Variants in CCR9 observed in about 807,000 individuals in gnomAD.
CCR9 encodes C-C chemokine receptor type 9.
In CCR9, 4 loss-of-function variants were observed where a neutral mutation model predicts 8.7. The observed-to-expected ratio is 0.46, with a 90% confidence interval of 0.23 to 1.06. The LOEUF (loss-of-function observed/expected upper bound fraction) is 1.06, where lower values mean the gene tolerates loss of function less well. CCR9 is among the 50% of genes least tolerant of loss of function. The pLI is 0.21. For synonymous variants in CCR9, 159 were observed against 168.8 expected, an observed-to-expected ratio of 0.94 and a Z score of 0.45; for missense variants, 394 against 453.6, an observed-to-expected ratio of 0.87 and a Z score of 1.19.
Position 45,901,060 on chromosome 3 carries a change from C to A in CCR9, c.272C>A (p.Ala91Glu). The part of the protein sequence containing the change: ...TMTDMFLLNL[A>E]IADLLFLVTL... ...ACCGACATGTTCCTTTTGAATTTGG[C>A]AATTGCTGACCTCCTCTTTCTTGTC... is the stretch of plus-strand genomic sequence containing the variant. Residue 91 changes from alanine to glutamate, a missense_variant, in exon 3 of 3, where the codon GCA (alanine) becomes GAA (glutamate). Transcript: ENST00000357632. This position sits in a 1 kb window ranked among gnomAD's most constrained non-coding sequence, Gnocchi z 4.3. 1.2e-6 allele frequency: 2 copies of A among 1,614,182 alleles called. No individual in the cohort carries two copies. Among genetic ancestry groups the A allele is most frequent in the East Asian group, 2.2e-5 (1 of 44,880 alleles).
At chr3:45,899,967 G>C (rs1355592070) in intron 2 of CCR9, among the ~76,000 whole-genome samples, 1 of 152,204 alleles carries the variant, frequency 6.6e-6, no homozygotes, top group Non-Finnish European at 1.5e-5. Flanking sequence ...GCATGCATGA[G>C]TGTGTACCTA....
rs370107557 is a variant in CCR9 at position 45,900,804 on chromosome 3, T to C, written c.22-6T>C. 1.2e-6 allele frequency: 2 copies of C among 1,604,414 alleles called. No homozygotes were observed. Among genetic ancestry groups the C allele is most frequent in the Non-Finnish European group, 1.7e-6 (2 of 1,173,702 alleles). On this transcript the variant is annotated splice_region_variant and splice_polypyrimidine_tract_variant and intron_variant, in intron 2 of 2. Coordinates refer to ENST00000357632, the MANE Select transcript of CCR9 (RefSeq NM_031200.3). This position sits in a 1 kb window ranked among gnomAD's most constrained non-coding sequence, Gnocchi z 4.7. ...TGACCTAATGCCATCTTGTGTCCCC[T>C]TGCAGAGCCCTATTCCTAACATGGC...
intron 1 of CCR9, among the ~76,000 whole-genome samples, chr3:45,892,603 C>T (rs527532290): frequency 5.9e-5 from 9 of 152,234 alleles, no homozygotes; most frequent in Non-Finnish European, 1.2e-4. Flanking sequence ...AAACTATCTA[C>T]CAGTCAGGTA....
chr3:45,886,099 G>T (rs548104765), upstream of CCR9, among the ~76,000 whole-genome samples: 2 of 152,166 alleles, frequency 1.3e-5, no homozygotes, highest in South Asian at 2.1e-4. Context: ...CAGCCCTCCG[G>T]GTTCTGGTAC....
At position 45,900,776 on chromosome 3, in the gene CCR9, C is replaced by A; in HGVS notation, c.22-34C>A. The A allele has an allele frequency of 6.3e-7, 1 of 1,575,960 alleles. No homozygotes were observed. Among genetic ancestry groups the A allele is most frequent in the South Asian group, 1.2e-5 (1 of 84,162 alleles). ...TCAGACAGGACCTTCAAAATATTTT[C>A]CTTGACCTAATGCCATCTTGTGTCC... On this transcript the variant is annotated intron_variant, in intron 2 of 2. Coordinates refer to ENST00000357632, the MANE Select transcript of CCR9 (RefSeq NM_031200.3). This position sits in a 1 kb window ranked among gnomAD's most constrained non-coding sequence, Gnocchi z 4.7.
intron 1 of CCR9, among the ~76,000 whole-genome samples, chr3:45,887,108 A>G (rs929965810): frequency 2.0e-5 from 3 of 152,178 alleles, no homozygotes; most frequent in African/African-American, 7.2e-5. Context: ...TAGACAATGG[A>G]ATACACAGCA....
intron 2 of CCR9, among the ~76,000 whole-genome samples, chr3:45,898,890 G>A (rs919126338): frequency 4.6e-5 from 7 of 152,190 alleles, no homozygotes; most frequent in Non-Finnish European, 8.8e-5. Flanking sequence ...GTTCTGGGCC[G>A]GGCATGGTGG....
chr3:45,886,919 TAAAG>T (rs2125734795), intron 1 of CCR9, among the ~76,000 whole-genome samples: 1 of 152,126 alleles, frequency 6.6e-6, no homozygotes, highest in South Asian at 2.1e-4. Flanking sequence ...ATTTATACCT[TAAAG>T]GAAGGAGAAG....
intron 1 of CCR9, among the ~76,000 whole-genome samples, chr3:45,887,965 G>A (rs1007462708): frequency 4.6e-5 from 7 of 152,228 alleles, no homozygotes; most frequent in African/African-American, 1.4e-4. Context: ...CCTGACTCAT[G>A]TTAGTATCTG....
At chr3:45,892,302 A>C (rs1702205433) in intron 1 of CCR9, among the ~76,000 whole-genome samples, 1 of 152,208 alleles carries the variant, frequency 6.6e-6, no homozygotes, top group African/African-American at 2.4e-5. Context: ...AAAAACATGG[A>C]ATCAACCTAA....
intron 1 of CCR9, among the ~76,000 whole-genome samples, chr3:45,887,091 A>C (rs1197608013): frequency 6.6e-6 from 1 of 152,170 alleles, no homozygotes; most frequent in East Asian, 1.9e-4. Context: ...ATGAATTGTG[A>C]TGTATCTAGA....
Position 45,902,309 on chromosome 3 carries a change from C to A in CCR9, c.*411C>A, listed in dbSNP as rs185636686. 133 of 177,350 alleles carry A rather than the reference C, an allele frequency of 7.5e-4. No individual in the cohort carries two copies. Among genetic ancestry groups the A allele is most frequent in the Admixed American group, 3.6e-3 (57 of 15,868 alleles). 11.0% of individuals were successfully genotyped at this position (177,350 alleles called of 1,614,324 possible). On this transcript the variant is annotated 3_prime_UTR_variant, in exon 3 of 3. Transcript: ENST00000357632. ...AGAAGCACTGGCTGCTGCTACAGAC[C>A]GCAAAAGCAGAAAGTTTCGTGAAAA...
intron 2 of CCR9, among the ~76,000 whole-genome samples, chr3:45,898,485 G>T (rs1702440711): frequency 6.6e-6 from 1 of 152,220 alleles, no homozygotes; most frequent in Admixed American, 6.5e-5. Context: ...GTTTTCTTTA[G>T]TTCTTTGCGT....
Position 45,901,807 on chromosome 3 carries a change from A to G in CCR9, c.1019A>G (p.Gln340Arg). Residue 340 changes from glutamine to arginine, a missense_variant, in exon 3 of 3, where the codon CAG (glutamine) becomes CGG (arginine). Coordinates refer to ENST00000357632, the MANE Select transcript of CCR9 (RefSeq NM_031200.3). This position sits in a 1 kb window ranked among gnomAD's most constrained non-coding sequence, Gnocchi z 4.3. ...CTGAAGAACTTGGGTTGCATCAGCC[A>G]GGCCCAGTGGGTTTCATTTACAAGG... is the stretch of plus-strand genomic sequence containing the variant. The part of the protein sequence containing the change: ...KTLKNLGCIS[Q>R]AQWVSFTRRE... 1 of 1,614,156 alleles carries G rather than the reference A, an allele frequency of 6.2e-7. No homozygotes were observed. Among genetic ancestry groups the G allele is most frequent in the Non-Finnish European group, 8.5e-7 (1 of 1,180,004 alleles).
chr3:45,886,097 C>T (rs181987105), upstream of CCR9, among the ~76,000 whole-genome samples: 2 of 152,310 alleles, frequency 1.3e-5, no homozygotes, highest in East Asian at 1.9e-4. Context: ...CACAGCCCTC[C>T]GGGTTCTGGT....
At chr3:45,895,033 TG>T in intron 2 of CCR9, 79 bp downstream of exon 2, 1 of 1,391,306 alleles carries the variant, frequency 7.2e-7, no homozygotes, top group Non-Finnish European at 1.0e-6. Flanking sequence ...AAGGATCCAC[TG>T]TGGGGGAAGG....
At chr3:45,890,256 G>GAAATATATATATATATATTTATAT (rs1402612474) in intron 1 of CCR9, among the ~76,000 whole-genome samples, 648 of 20,926 alleles carry the variant, frequency 0.031, 172 homozygotes, top group African/African-American at 0.1. Context: ...CTGGGTATTA[G>GAAATATATATATATATATTTATAT]AAATATATAT....
At chr3:45,887,303 A>G (rs1420744586) in intron 1 of CCR9, among the ~76,000 whole-genome samples, 1 of 151,812 alleles carries the variant, frequency 6.6e-6, no homozygotes, top group African/African-American at 2.4e-5. Flanking sequence ...AAAAGTCAGA[A>G]AGGAAGTATC....
At chr3:45,893,695 T>C (rs1320058064) in intron 1 of CCR9, among the ~76,000 whole-genome samples, 1 of 152,244 alleles carries the variant, frequency 6.6e-6, no homozygotes, top group East Asian at 1.9e-4. Context: ...TACTACTTGA[T>C]GGACATTTAG....
Sources: gnomAD v4.1 joint callset for allele counts (sites outside exome capture counted in the v4.1 genomes callset) on GRCh38, gnomAD v4.1.1 for gene constraint, Gnocchi (gnomAD v3.1) non-coding constraint, MANE v1.5 for transcripts, NCBI Gene and HGNC (gene_info 2026-07-23, HGNC 2026-07-21) for gene names.